SNRPG: variants seen among roughly 807,000 people sequenced by gnomAD.
The protein encoded by SNRPG is small nuclear ribonucleoprotein G.
SNRPG carries 3 observed loss-of-function variants against 13.9 expected under a neutral mutation model. The observed-to-expected ratio is 0.22, with a 90% CI of 0.10 to 0.56. SNRPG has a LOEUF of 0.56. Among genes scored for constraint, SNRPG ranks in the 20% least tolerant of loss-of-function variants. The probability of loss-of-function intolerance (pLI) is 0.93; values close to 1 mark genes in which losing one functional copy is unlikely to be tolerated. For missense variants in SNRPG, 34 were observed against 96.1 expected (o/e 0.35, Z 2.70); for synonymous variants, 29 against 29.3 (o/e 0.99, Z 0.03).
chr2:70,285,260 A>AGAT (rs1166678277), intron 3 of SNRPG, among the ~76,000 whole-genome samples: 4 of 152,128 alleles, frequency 2.6e-5, no homozygotes, highest in Admixed American at 2.6e-4. Flanking sequence ...TCTATCTGTG[A>AGAT]GATTGTGAAG....
At chr2:70,293,415 C>A in intron 1 of SNRPG, 1 of 641,444 alleles carries the variant, frequency 1.6e-6, no homozygotes, top group South Asian at 1.8e-5. Context: ...GCCGTGGCTG[C>A]CGGCTGTAAC....
chr2:70,288,152 C>T lies in SNRPG; in HGVS notation c.96G>A (p.Arg32=), dbSNP rs374726497. ...CAAGGTTCATAAAGGGATCAAATCC[C>T]CGCAATATTCCTTGGACATGTCTGC... ...NGGRHVQGIL[R]GFDPFMNLVI... The change falls in exon 3 of 4, where the codon CGG becomes CGA. Residue 32 remains arginine, a synonymous_variant. Transcript: ENST00000272348. The T allele has an allele frequency of 1.2e-5, 20 of 1,611,676 alleles. No individual in the cohort carries two copies. The African/African-American group carries it at 2.7e-4, about 22-fold the overall frequency.
At chr2:70,293,587 C>T in intron 1 of SNRPG, 31 bp downstream of exon 1, 3 of 1,599,910 alleles carry the variant, frequency 1.9e-6, no homozygotes, top group Non-Finnish European at 2.6e-6. Flanking sequence ...AAATAACTGA[C>T]CACTTCGGTT....
intron 3 of SNRPG, chr2:70,287,377 T>TCAACA: frequency 1.4e-6 from 1 of 698,840 alleles, no homozygotes; most frequent in Non-Finnish European, 2.6e-6. Flanking sequence ...TTGTCCTGTG[T>TCAACA]TAGACAAAGA....
intron 3 of SNRPG, among the ~76,000 whole-genome samples, chr2:70,285,654 G>GA (rs1307501810): frequency 6.6e-6 from 1 of 152,094 alleles, no homozygotes. Context: ...CCTACTCTGA[G>GA]GATAAAGGAG....
At chr2:70,288,008 T>G (rs1329482472) in intron 3 of SNRPG, 60 bp downstream of exon 3, 2 of 1,539,144 alleles carry the variant, frequency 1.3e-6, no homozygotes, top group Non-Finnish European at 1.8e-6. Flanking sequence ...ACCAGGAAAG[T>G]TAATACACAT....
intron 1 of SNRPG, chr2:70,292,940 T>C: frequency 3.5e-6 from 2 of 578,310 alleles, no homozygotes; most frequent in Non-Finnish European, 6.1e-6. Context: ...GCTCTCCTAC[T>C]TAAAGTTGTT....
At position 70,285,988 on chromosome 2, in the gene SNRPG, A is replaced by C. The variant is rs3732254; in HGVS notation, c.180+2080T>G. Among the ~76,000 whole-genome samples the C allele has an allele frequency of 1.4e-4, 21 of 152,314 alleles. No individual in the cohort carries two copies. In the East Asian group the frequency reaches 3.9e-3, roughly 28 times the overall value. On this transcript the variant is annotated intron_variant, in intron 3 of 3. Transcript: ENST00000272348. ...TGAGACAGGATCTCGCTTTGTCACA[A>C]AGATTGGAGTGCAGTAGTGTGATCT... is the stretch of plus-strand genomic sequence containing the variant.
chr2:70,284,717 T>C (rs1256952731), intron 3 of SNRPG, among the ~76,000 whole-genome samples: 1 of 152,168 alleles, frequency 6.6e-6, no homozygotes, highest in African/African-American at 2.4e-5. Flanking sequence ...AATTTTTTTT[T>C]TGGCAACAGA....
rs1559047817 is a variant in SNRPG at position 70,293,723 on chromosome 2, C to T, written c.-74G>A. The T allele has an allele frequency of 1.4e-6, 2 of 1,407,174 alleles. No individual in the cohort carries two copies. The highest frequency in any genetic ancestry group is 2.0e-6 in the Non-Finnish European group (2 of 991,594). The allele number at this position is 1,407,174 out of a possible 1,614,324, so 87.2% of individuals were successfully genotyped here. A position where few individuals can be genotyped will look rare whatever the true frequency, so the allele number is the denominator to read the frequency against. On this transcript the variant is annotated 5_prime_UTR_variant, in exon 1 of 4. Coordinates refer to ENST00000272348, the MANE Select transcript of SNRPG (RefSeq NM_003096.4). ...TTTCCTCACGCTCCCGCTGTAGGCC[C>T]GGCGTCTTGCGTCTGGCGTCATCGA...
intron 1 of SNRPG, among the ~76,000 whole-genome samples, chr2:70,290,425 T>A (rs1237659220): frequency 3.9e-5 from 6 of 151,950 alleles, no homozygotes. Flanking sequence ...TAAAAAAAAA[T>A]TCCATTTTAG....
chr2:70,285,199 G>A (rs1696909445), intron 3 of SNRPG, among the ~76,000 whole-genome samples: 2 of 152,274 alleles, frequency 1.3e-5, no homozygotes, highest in African/African-American at 4.8e-5. Flanking sequence ...GACTTAATAA[G>A]AAAAAGAATC....
chr2:70,286,979 T>C (rs1355495323), intron 3 of SNRPG, among the ~76,000 whole-genome samples: 5 of 152,186 alleles, frequency 3.3e-5, no homozygotes. Context: ...CAACAGAAGC[T>C]CACAAGGGAA....
intron 3 of SNRPG, among the ~76,000 whole-genome samples, chr2:70,283,494 G>A (rs1696865217): frequency 6.6e-6 from 1 of 152,194 alleles, no homozygotes; most frequent in African/African-American, 2.4e-5. Context: ...ACAGTATCAT[G>A]CTTGTTTTAT....
At chr2:70,290,772 G>A (rs1428710353) in intron 1 of SNRPG, among the ~76,000 whole-genome samples, 3 of 133,766 alleles carry the variant, frequency 2.2e-5, no homozygotes, top group South Asian at 2.5e-4. Context: ...GATCACCTGA[G>A]GTCGGGAGTT....
At chr2:70,291,058 C>CACACAT (rs3222847) in intron 1 of SNRPG, among the ~76,000 whole-genome samples, 10 of 136,212 alleles carry the variant, frequency 7.3e-5, no homozygotes, top group African/African-American at 2.6e-4. Context: ...CACACACACA[C>CACACAT]ATATATGAAG....
chr2:70,290,669 G>T (rs918780115), intron 1 of SNRPG, among the ~76,000 whole-genome samples: 1 of 151,624 alleles, frequency 6.6e-6, no homozygotes, highest in Non-Finnish European at 1.5e-5. Flanking sequence ...CTGAAGGAGG[G>T]AGTAGATACA....
At chr2:70,293,576 C>T (rs1459748171) in intron 1 of SNRPG, 42 bp downstream of exon 1, 1 of 1,569,178 alleles carries the variant, frequency 6.4e-7, no homozygotes, top group Admixed American at 1.7e-5. Flanking sequence ...TCGCAGGACG[C>T]AAATAACTGA....
chr2:70,292,011 G>T (rs1203810179), intron 1 of SNRPG, among the ~76,000 whole-genome samples: 3 of 148,794 alleles, frequency 2.0e-5, no homozygotes, highest in Non-Finnish European at 3.0e-5. Context: ...GCAGTGGCGC[G>T]ATCTCGGCTC....
Sources: gnomAD v4.1 joint callset for allele counts (sites outside exome capture counted in the v4.1 genomes callset) on GRCh38, gnomAD v4.1.1 for gene constraint, MANE v1.5 for transcripts, NCBI Gene and HGNC (gene_info 2026-07-23, HGNC 2026-07-21) for gene names.